Variants in DDX10 observed in about 807,000 individuals in gnomAD.
The protein encoded by DDX10 is probable ATP-dependent RNA helicase DDX10.
Under a neutral mutation model 104.3 loss-of-function variants are expected in DDX10, and 74 were observed. The observed-to-expected ratio is 0.71, with a 90% confidence interval of 0.59 to 0.86. The LOEUF (loss-of-function observed/expected upper bound fraction) is 0.86. Ranked by LOEUF, DDX10 falls within the 40% of genes least tolerant of loss-of-function variation. The pLI is 0.00. For missense variants in DDX10, 952 were observed against 1,040.0 expected, an observed-to-expected ratio of 0.92 and a Z score of 1.16; for synonymous variants, 351 against 353.4, an observed-to-expected ratio of 0.99 and a Z score of 0.08.
At position 108,905,322 on chromosome 11, in the gene DDX10, G is replaced by A. The variant is rs374788344; in HGVS notation, c.2305-12551G>A. On this transcript the variant is annotated intron_variant, in intron 16 of 17. Transcript: ENST00000322536. ...CTATTAGATTGTTTAAGGGGGGGGG[G>A]GGTTGAAATCCTGTGATCCAGTCCC... 3.9e-3 allele frequency among the ~76,000 whole-genome samples: 561 copies of A among 145,032 alleles called. 16 individuals carry two copies. The highest frequency in any genetic ancestry group is 0.014 in the African/African-American group (539 of 39,340).
chr11:108,797,517 T>C (rs990658605), intron 13 of DDX10, among the ~76,000 whole-genome samples: 4 of 152,176 alleles, frequency 2.6e-5, no homozygotes, highest in Non-Finnish European at 5.9e-5. Flanking sequence ...ATAAATGATT[T>C]ATATTACAAA....
chr11:108,801,563 T>TA (rs1862020933), intron 13 of DDX10, among the ~76,000 whole-genome samples: 1 of 152,184 alleles, frequency 6.6e-6, no homozygotes, highest in Admixed American at 6.5e-5. Flanking sequence ...CCTAACCTCT[T>TA]ACAGCCCCCA....
chr11:108,710,131 A>G (rs1392449060), intron 10 of DDX10, among the ~76,000 whole-genome samples: 2 of 152,230 alleles, frequency 1.3e-5, no homozygotes, highest in Admixed American at 6.5e-5. Context: ...ATACCTGCAT[A>G]GGGCACTTAC....
chr11:108,681,998 AAAT>A (rs1206548337), intron 6 of DDX10, among the ~76,000 whole-genome samples: 2 of 151,964 alleles, frequency 1.3e-5, no homozygotes. Flanking sequence ...CCCTTTAGAT[AAAT>A]TAATTATTTA....
chr11:108,828,902 G>A (rs1346119023), intron 13 of DDX10, among the ~76,000 whole-genome samples: 5 of 152,166 alleles, frequency 3.3e-5, no homozygotes, highest in African/African-American at 1.2e-4. Context: ...GGGATTATAG[G>A]TGTGAGCCAC....
At chr11:108,938,132 A>G (rs1034554343) in intron 17 of DDX10, among the ~76,000 whole-genome samples, 2 of 152,136 alleles carry the variant, frequency 1.3e-5, no homozygotes, top group Non-Finnish European at 2.9e-5. Context: ...TCATTATTGC[A>G]TATTTCATTA....
intron 11 of DDX10, among the ~76,000 whole-genome samples, chr11:108,716,369 T>C (rs904044194): frequency 2.6e-5 from 4 of 152,130 alleles, no homozygotes; most frequent in African/African-American, 9.7e-5. Flanking sequence ...AGTTCTGGGA[T>C]TACAGGCGTG....
chr11:108,723,298 G>C lies in DDX10; in HGVS notation c.1801G>C (p.Gly601Arg). Reference protein sequence around the residue: ...EMEEKLAKAKGSQAPSLPNTS... With the variant: ...EMEEKLAKAKRSQAPSLPNTS... ...GGAAGAGAAACTGGCAAAAGCAAAA[G>C]GATCTCAAGCCCCATCTCTTCCTAA... is the stretch of plus-strand genomic sequence containing the variant. The change falls in exon 13 of 18, where the codon GGA becomes CGA. Residue 601 changes from glycine to arginine, a missense_variant. Gly to Arg is a moderately radical substitution (Grantham distance 125, BLOSUM62 -2). Coordinates refer to ENST00000322536, the MANE Select transcript of DDX10 (RefSeq NM_004398.4). The C allele has an allele frequency of 6.2e-7, 1 of 1,613,784 alleles. No individual in the cohort carries two copies.
At chr11:108,701,552 G>A (rs2094267920) in intron 9 of DDX10, among the ~76,000 whole-genome samples, 1 of 151,678 alleles carries the variant, frequency 6.6e-6, no homozygotes, top group African/African-American at 2.4e-5. Context: ...GTAGAAATAA[G>A]AAAATGTAGT....
At chr11:108,815,727 C>T (rs1285565845) in intron 13 of DDX10, among the ~76,000 whole-genome samples, 2 of 151,854 alleles carry the variant, frequency 1.3e-5, no homozygotes, top group Non-Finnish European at 2.9e-5. Flanking sequence ...CTTTATAATC[C>T]TTAAATTTCT....
rs1412075307 is a variant in DDX10, at chr11:108,766,516, T to G, written c.1965+43054T>G. 2.0e-5 allele frequency among the ~76,000 whole-genome samples: 3 copies of G among 152,328 alleles called. No homozygotes were observed. In the East Asian group the frequency reaches 5.8e-4, roughly 29 times the overall value. On this transcript the variant is annotated intron_variant, in intron 13 of 17. Transcript: ENST00000322536. ...TATCATAATGACTATTAAACATATA[T>G]AGAACACACACTATGTGACGTGTTT...
chr11:108,769,771 C>G (rs1292792441), intron 13 of DDX10, among the ~76,000 whole-genome samples: 1 of 152,150 alleles, frequency 6.6e-6, no homozygotes, highest in Non-Finnish European at 1.5e-5. Context: ...TGTAAACTCT[C>G]AAATTATTGA....
At chr11:108,725,655 C>CT (rs1263750635) in intron 13 of DDX10, among the ~76,000 whole-genome samples, 3 of 151,984 alleles carry the variant, frequency 2.0e-5, no homozygotes, top group Admixed American at 6.6e-5. Context: ...ATTGTGTTGC[C>CT]TTAGTAAGTT....
chr11:108,782,512 C>T (rs566598111), intron 13 of DDX10, among the ~76,000 whole-genome samples: 29 of 152,258 alleles, frequency 1.9e-4, no homozygotes, highest in South Asian at 2.1e-4. Context: ...GCACCTTAGA[C>T]AATACTCATC....
chr11:108,736,530 C>T (rs1475390399), intron 13 of DDX10, among the ~76,000 whole-genome samples: 2 of 152,090 alleles, frequency 1.3e-5, no homozygotes, highest in East Asian at 3.9e-4. Context: ...GCATCTCCTC[C>T]AAAATTTGAA....
At chr11:108,795,012 G>C (rs188718594) in intron 13 of DDX10, among the ~76,000 whole-genome samples, 73 of 152,196 alleles carry the variant, frequency 4.8e-4, no homozygotes, top group Non-Finnish European at 7.6e-4. Flanking sequence ...ATTTTTAGTA[G>C]AGGTGGGGTT....
intron 13 of DDX10, among the ~76,000 whole-genome samples, chr11:108,797,350 A>G (rs765118339): frequency 1.3e-5 from 2 of 152,156 alleles, no homozygotes; most frequent in Non-Finnish European, 2.9e-5. Context: ...TGTTCTTTAT[A>G]CATTAGTCTG....
At chr11:108,716,155 G>A (rs1276998544) in intron 11 of DDX10, among the ~76,000 whole-genome samples, 189 bp downstream of exon 11, 1 of 152,090 alleles carries the variant, frequency 6.6e-6, no homozygotes, top group Non-Finnish European at 1.5e-5. Flanking sequence ...GAGTGCAGTG[G>A]CATGATCTCA....
At chr11:108,728,971 CT>C (rs960913168) in intron 13 of DDX10, among the ~76,000 whole-genome samples, 1 of 152,066 alleles carries the variant, frequency 6.6e-6, no homozygotes, top group Non-Finnish European at 1.5e-5. Context: ...GGTTAATATC[CT>C]TTTTTTGAAT....
Sources: gnomAD v4.1 joint callset for allele counts (sites outside exome capture counted in the v4.1 genomes callset) on GRCh38, gnomAD v4.1.1 for gene constraint, MANE v1.5 for transcripts, NCBI Gene and HGNC (gene_info 2026-07-23, HGNC 2026-07-21) for gene names.